HGF: variants seen among roughly 807,000 people sequenced by gnomAD.
The protein encoded by HGF is fibroblast-derived tumor cytotoxic factor.
Under a neutral mutation model 111.6 loss-of-function variants are expected in HGF, and 39 were observed. The ratio of observed to expected loss-of-function variants is 0.35; its 90% confidence interval spans 0.27 to 0.46. HGF has a LOEUF of 0.46. Ranked by LOEUF, HGF falls within the 20% of genes least tolerant of loss-of-function variation. The pLI, the probability that HGF is intolerant of heterozygous loss-of-function variation, is 1.00. For synonymous variants in HGF, 285 were observed against 294.8 expected (o/e 0.97, Z 0.34); for missense variants, 735 against 910.5 (o/e 0.81, Z 2.48).
chr7:81,722,958 A>T (rs1331559343), intron 9 of HGF, among the ~76,000 whole-genome samples: 1 of 151,734 alleles, frequency 6.6e-6, no homozygotes, highest in African/African-American at 2.4e-5. Flanking sequence ...TTTTATATTT[A>T]ACATTCTTAA....
chr7:81,725,661 A>G (rs548162810), intron 9 of HGF, among the ~76,000 whole-genome samples: 1 of 152,180 alleles, frequency 6.6e-6, no homozygotes, highest in Admixed American at 6.5e-5. Flanking sequence ...GTTTACTGGT[A>G]TATCTCCAAG....
At chr7:81,762,941 A>T in intron 1 of HGF, 69 bp from the exon 2 acceptor site, 1 of 928,080 alleles carries the variant, frequency 1.1e-6, no homozygotes, top group Non-Finnish European at 1.7e-6. Context: ...TATATAAAAA[A>T]AATCCTAAGG....
chr7:81,702,790 T>C, intron 17 of HGF, 33 bp from the exon 18 acceptor site: 1 of 1,578,038 alleles, frequency 6.3e-7, no homozygotes, highest in African/African-American at 1.4e-5. Context: ...CAAAGTATTA[T>C]TAGGAATTAA....
At chr7:81,708,427 A>C (rs1247254467) in intron 13 of HGF, among the ~76,000 whole-genome samples, 1 of 151,730 alleles carries the variant, frequency 6.6e-6, no homozygotes, top group Non-Finnish European at 1.5e-5. Context: ...AGAAGTATTA[A>C]TATATGTCTT....
intron 4 of HGF, 84 bp downstream of exon 4, chr7:81,757,105 A>G: frequency 1.3e-6 from 1 of 787,060 alleles, no homozygotes; most frequent in South Asian, 1.4e-5. Flanking sequence ...TTAGGATTGT[A>G]GAATTATTCT....
At chr7:81,703,023 C>T (rs1789326956) in intron 17 of HGF, among the ~76,000 whole-genome samples, 1 of 151,590 alleles carries the variant, frequency 6.6e-6, no homozygotes, top group South Asian at 2.1e-4. Flanking sequence ...AAAGAGTCAA[C>T]CATCCTTTTA....
intron 7 of HGF, among the ~76,000 whole-genome samples, chr7:81,731,331 A>G (rs1190881987): frequency 6.6e-6 from 1 of 152,182 alleles, no homozygotes; most frequent in African/African-American, 2.4e-5. Context: ...TAGAAATATG[A>G]CTCAGAAATA....
At chr7:81,719,090 C>A (rs139437853) in intron 10 of HGF, among the ~76,000 whole-genome samples, 19 of 152,252 alleles carry the variant, frequency 1.2e-4, no homozygotes, top group Non-Finnish European at 2.4e-4. Flanking sequence ...AAGTTACATT[C>A]TTTCAGTCTT....
intron 4 of HGF, chr7:81,755,647 T>A (rs899228255): frequency 2.6e-5 from 5 of 192,484 alleles, no homozygotes; most frequent in African/African-American, 7.1e-5. Flanking sequence ...GTCATTCCTT[T>A]GTTCATGAAA....
chr7:81,699,100 C>T lies in HGF; in HGVS notation c.*3481G>A, dbSNP rs1184712354. The T allele has an allele frequency of 6.6e-6, 1 of 151,214 alleles. No homozygotes were observed. The highest frequency in any genetic ancestry group is 1.5e-5 in the Non-Finnish European group (1 of 67,514). 9.4% of individuals were successfully genotyped at this position (151,214 alleles called of 1,614,324 possible). On this transcript the variant is annotated 3_prime_UTR_variant, in exon 18 of 18. Coordinates refer to ENST00000222390, the MANE Select transcript of HGF (RefSeq NM_000601.6). The stretch of plus-strand genomic sequence containing the variant: ...ACTACAGAAAGTTTATAATACAAGT[C>T]ATAACCACAGTGTTCCCTTTTTTGG...
chr7:81,713,979 GGTGTGT>G (rs1277268424), intron 11 of HGF, among the ~76,000 whole-genome samples: 5 of 131,438 alleles, frequency 3.8e-5, no homozygotes, highest in African/African-American at 1.4e-4. Flanking sequence ...GAAGGGTAGG[GGTGTGT>G]GTGCGTGTGT....
At chr7:81,710,792 A>C (rs1789552652) in intron 12 of HGF, among the ~76,000 whole-genome samples, 1 of 152,154 alleles carries the variant, frequency 6.6e-6, no homozygotes, top group African/African-American at 2.4e-5. Context: ...CATAATATAA[A>C]ATTTATTGGA....
At chr7:81,750,406 G>A (rs117143061) in intron 5 of HGF, among the ~76,000 whole-genome samples, 3,490 of 152,184 alleles carry the variant, frequency 0.023, 68 homozygotes, top group Non-Finnish European at 0.032. Context: ...CTTTGGTGCC[G>A]CGGTGACCAA....
chr7:81,757,634 A>C (rs1788845401), intron 3 of HGF, among the ~76,000 whole-genome samples: 1 of 152,180 alleles, frequency 6.6e-6, no homozygotes, highest in Non-Finnish European at 1.5e-5. Context: ...GAAAATATTA[A>C]AAACAAAAAT....
At chr7:81,758,857 T>A (rs888552120) in intron 2 of HGF, 53 bp from the exon 3 acceptor site, 2 of 1,170,260 alleles carry the variant, frequency 1.7e-6, no homozygotes, top group Non-Finnish European at 2.6e-6. Flanking sequence ...ATACAGTATT[T>A]AAAGAATGGG....
chr7:81,768,460 AC>A (rs1789470205), intron 1 of HGF, among the ~76,000 whole-genome samples: 2 of 151,770 alleles, frequency 1.3e-5, no homozygotes, highest in Non-Finnish European at 2.9e-5. Flanking sequence ...GCTCACTGCA[AC>A]CCCCACCTCC....
chr7:81,715,118 A>G (rs1367803880), intron 11 of HGF, among the ~76,000 whole-genome samples: 2 of 152,058 alleles, frequency 1.3e-5, no homozygotes, highest in African/African-American at 2.4e-5. Context: ...TTGAGATACT[A>G]TAGGGCATTT....
chr7:81,718,705 C>T (rs5745711), intron 10 of HGF, among the ~76,000 whole-genome samples: 5,283 of 152,132 alleles, frequency 0.035, 305 homozygotes, highest in African/African-American at 0.12. Flanking sequence ...GGTATGTGTA[C>T]GGTGAGGATG....
chr7:81,743,197 G>T (rs1788079651), intron 7 of HGF, among the ~76,000 whole-genome samples, 156 bp downstream of exon 7: 1 of 152,218 alleles, frequency 6.6e-6, no homozygotes, highest in Admixed American at 6.5e-5. Context: ...AAATGCAAAA[G>T]ATTGGGTAGG....
Sources: gnomAD v4.1 joint callset for allele counts (sites outside exome capture counted in the v4.1 genomes callset) on GRCh38, gnomAD v4.1.1 for gene constraint, MANE v1.5 for transcripts, NCBI Gene and HGNC (gene_info 2026-07-23, HGNC 2026-07-21) for gene names.